Variants in GARIN1B observed in about 807,000 individuals in gnomAD.
GARIN1B encodes the protein golgi associated RAB2 interactor 1B.
At chr7:128,726,765 C>G in the GARIN1B span, 2 of 1,580,970 alleles carry the variant, frequency 1.3e-6, no homozygotes, top group African/African-American at 1.3e-5. Context: ...ATCTGAAATA[C>G]AAATTTAATG....
chr7:128,715,387 G>A, the GARIN1B span: 16 of 1,589,138 alleles, frequency 1.0e-5, no homozygotes, highest in South Asian at 3.5e-5. Context: ...AAGGCCAGGA[G>A]GGGAGACAGA....
the GARIN1B span, among the ~76,000 whole-genome samples, chr7:128,725,821 A>G: frequency 1.4e-5 from 2 of 146,258 alleles, no homozygotes; most frequent in African/African-American, 2.4e-5. Context: ...ACAAAATTAG[A>G]CACTGTGCTC....
chr7:128,726,129 C>T, the GARIN1B span, among the ~76,000 whole-genome samples: 19 of 152,110 alleles, frequency 1.2e-4, no homozygotes, highest in Admixed American at 5.9e-4. Flanking sequence ...GGAAGCCATG[C>T]GAAGATATTT....
the GARIN1B span, chr7:128,716,910 T>C: frequency 2.5e-6 from 4 of 1,613,690 alleles, no homozygotes; most frequent in Non-Finnish European, 2.5e-6. Context: ...CTCCCCAACA[T>C]CCTACTCATG....
At chr7:128,718,231 G>C in the GARIN1B span, among the ~76,000 whole-genome samples, 2 of 152,032 alleles carry the variant, frequency 1.3e-5, no homozygotes, top group Non-Finnish European at 2.9e-5. Context: ...TCAGGAGTTC[G>C]AGACCAGCCT....
At chr7:128,731,092 ACT>A in the GARIN1B span, 5 of 1,611,316 alleles carry the variant, frequency 3.1e-6, no homozygotes, top group South Asian at 3.3e-5. Context: ...TCTCTCCTAC[ACT>A]CACAGGAAAT....
chr7:128,715,254 C>T, the GARIN1B span: 2 of 1,425,420 alleles, frequency 1.4e-6, no homozygotes, highest in Non-Finnish European at 1.8e-6. Flanking sequence ...CACACAAGCT[C>T]TCTGGAGGAA....
chr7:128,727,757 C>G, the GARIN1B span, among the ~76,000 whole-genome samples: 1 of 152,120 alleles, frequency 6.6e-6, no homozygotes, highest in Non-Finnish European at 1.5e-5. Context: ...CTCCCTTCCC[C>G]CGATGCTTCA....
chr7:128,711,619 A>G, the GARIN1B span, among the ~76,000 whole-genome samples: 46 of 151,984 alleles, frequency 3.0e-4, no homozygotes, highest in African/African-American at 1.1e-3. Context: ...AAAAAGTTAT[A>G]AAACAATATT....
chr7:128,724,021 T>C, the GARIN1B span, among the ~76,000 whole-genome samples: 1 of 152,196 alleles, frequency 6.6e-6, no homozygotes, highest in Non-Finnish European at 1.5e-5. Context: ...TGTTCATTTG[T>C]TTACGTGAGA....
At chr7:128,730,675 C>T in the GARIN1B span, among the ~76,000 whole-genome samples, 2 of 151,436 alleles carry the variant, frequency 1.3e-5, no homozygotes, top group African/African-American at 4.9e-5. Context: ...GAGACGGAGT[C>T]TCACTCTATC....
At chr7:128,717,020 G>A in the GARIN1B span, 8 of 1,576,516 alleles carry the variant, frequency 5.1e-6, no homozygotes, top group Middle Eastern at 1.7e-4. Flanking sequence ...GATGAGAATG[G>A]AGGACAAGAG....
the GARIN1B span, chr7:128,715,473 G>A: frequency 6.2e-7 from 1 of 1,614,094 alleles, no homozygotes; most frequent in East Asian, 2.2e-5. Context: ...AGAAAGACTT[G>A]GAGGAAATCA....
the GARIN1B span, chr7:128,731,185 G>T: frequency 2.2e-6 from 3 of 1,367,080 alleles, no homozygotes; most frequent in South Asian, 3.5e-5. Context: ...AGCTGCTGAG[G>T]GATTATCGGG....
At chr7:128,722,562 T>C in the GARIN1B span, among the ~76,000 whole-genome samples, 3 of 152,106 alleles carry the variant, frequency 2.0e-5, no homozygotes, top group Non-Finnish European at 4.4e-5. Flanking sequence ...TCCCAGCACT[T>C]TGGGAGGCCA....
chr7:128,720,196 CCTT>C, the GARIN1B span, among the ~76,000 whole-genome samples: 5 of 144,386 alleles, frequency 3.5e-5, no homozygotes, highest in African/African-American at 7.8e-5. Flanking sequence ...TCAACTTTTT[CCTT>C]CTTCTTTTTT....
At chr7:128,722,587 C>T in the GARIN1B span, among the ~76,000 whole-genome samples, 5 of 152,194 alleles carry the variant, frequency 3.3e-5, no homozygotes, top group African/African-American at 7.2e-5. Context: ...GGGCAGATCA[C>T]GAGGTCAGGA....
chr7:128,725,021 C>A, the GARIN1B span: 1 of 438,320 alleles, frequency 2.3e-6, no homozygotes, highest in Non-Finnish European at 3.5e-6. Flanking sequence ...ATCCAATGAG[C>A]TCATATGCAC....
At chr7:128,729,790 T>G in the GARIN1B span, 1 of 1,132,912 alleles carries the variant, frequency 8.8e-7, no homozygotes, top group Non-Finnish European at 1.3e-6. Flanking sequence ...ATGCACGTAA[T>G]TGTTTGGAAT....
Sources: allele counts gnomAD v4.1 joint callset (sites outside exome capture counted in the v4.1 genomes callset), GRCh38; gene constraint gnomAD v4.1.1; transcripts MANE v1.5; gene names NCBI Gene and HGNC (gene_info 2026-07-23, HGNC 2026-07-21).